ENTPD5: variants seen among roughly 807,000 people sequenced by gnomAD.
The protein encoded by ENTPD5 is nucleoside diphosphate phosphatase ENTPD5.
In ENTPD5, 49 loss-of-function variants were observed where a neutral mutation model predicts 60.2. The ratio of observed to expected loss-of-function variants is 0.81; its 90% CI spans 0.65 to 1.03. ENTPD5 has a LOEUF of 1.03. ENTPD5 is among the 50% of genes least tolerant of loss of function. ENTPD5 has a pLI of 0.00. For synonymous variants in ENTPD5, 187 were observed against 185.4 expected (o/e 1.01, Z -0.07); for missense variants, 480 against 507.6 (o/e 0.95, Z 0.52).
chr14:73,991,689 C>T (rs980593257), intron 3 of ENTPD5, among the ~76,000 whole-genome samples: 5 of 151,284 alleles, frequency 3.3e-5, no homozygotes, highest in Non-Finnish European at 5.9e-5. Context: ...TATCCCCAGC[C>T]TCTATCCACT....
downstream of ENTPD5, chr14:73,958,217 C>A: frequency 6.2e-7 from 1 of 1,614,132 alleles, no homozygotes; most frequent in Non-Finnish European, 8.5e-7. Flanking sequence ...CTATGGCCGA[C>A]TCCAGCCCTT....
intron 13 of ENTPD5, 38 bp from the exon 14 acceptor site, chr14:73,971,946 C>G (rs1310606999): frequency 4.0e-6 from 5 of 1,259,532 alleles, no homozygotes; most frequent in East Asian, 4.6e-5. Context: ...ATCAAAACGC[C>G]TTCAAGGAAG....
intron 3 of ENTPD5, among the ~76,000 whole-genome samples, chr14:74,010,816 C>T (rs1012112831): frequency 9.2e-5 from 14 of 152,226 alleles, no homozygotes; most frequent in Non-Finnish European, 2.1e-4. Context: ...GTCATGTGCC[C>T]AGCTCCTTCA....
intron 3 of ENTPD5, among the ~76,000 whole-genome samples, chr14:73,989,561 C>A (rs878984572): frequency 3.0e-4 from 44 of 147,164 alleles, no homozygotes; most frequent in African/African-American, 1.0e-3. Context: ...AGGCCAGGCG[C>A]GGTGGCTCAT....
In ENTPD5 at chr14:73,975,006, T is replaced by A. The variant is rs190064938; in HGVS notation, c.723-21A>T. 1.8e-3 allele frequency: 2,891 copies of A among 1,585,662 alleles called. 4 individuals carry two copies. The highest frequency in any genetic ancestry group is 2.3e-3 in the Non-Finnish European group (2,643 of 1,155,200). On this transcript the variant is annotated intron_variant, in intron 10 of 15. Transcript: ENST00000334696. The stretch of plus-strand genomic sequence containing the variant: ...GGTAACTGTAAAATACAGGATTGAC[T>A]AATTTCATGCTGGTCCTGAAGTTCT...
rs868811520 is a variant in ENTPD5 at position 73,978,556 on chromosome 14, G to A, written c.442-1182C>T. Among the ~76,000 whole-genome samples the A allele has an allele frequency of 3.3e-5, 5 of 151,856 alleles. No individual in the cohort carries two copies. The East Asian group carries it at 5.8e-4, about 18-fold the overall frequency. On this transcript the variant is annotated intron_variant, in intron 6 of 15. Coordinates refer to ENST00000334696, the MANE Select transcript of ENTPD5 (RefSeq NM_001249.5). ...GTGGAGGTTGCAGTGAGCCGAGATCGCGCCATTGCACTCTAGCCTGGGTAA... is the reference window on the plus strand; with the variant it reads ...GTGGAGGTTGCAGTGAGCCGAGATCACGCCATTGCACTCTAGCCTGGGTAA...
At chr14:73,960,375 C>T (rs1013806599), downstream of ENTPD5, 3 of 987,236 alleles carry the variant, frequency 3.0e-6, no homozygotes, top group African/African-American at 5.2e-5. Flanking sequence ...TAGACACAGC[C>T]TTTGGATAAT....
At chr14:73,990,669 G>T (rs2058093460) in intron 3 of ENTPD5, among the ~76,000 whole-genome samples, 1 of 151,614 alleles carries the variant, frequency 6.6e-6, no homozygotes, top group Non-Finnish European at 1.5e-5. Context: ...AATGTATAGG[G>T]TTTTTTTCCA....
downstream of ENTPD5, chr14:73,958,314 T>C (rs375777482): frequency 1.3e-4 from 214 of 1,612,986 alleles, no homozygotes; most frequent in Non-Finnish European, 1.8e-4. Flanking sequence ...GGGTCTTGTA[T>C]ATCTACATCT....
downstream of ENTPD5, chr14:73,959,330 A>T (rs773923049): frequency 6.2e-7 from 1 of 1,613,934 alleles, no homozygotes; most frequent in Non-Finnish European, 8.5e-7. Context: ...GGCTGTTTGT[A>T]AGTTCCCTTT....
intron 1 of ENTPD5, among the ~76,000 whole-genome samples, chr14:74,017,222 G>A (rs2059041639): frequency 6.6e-6 from 1 of 152,154 alleles, no homozygotes. Flanking sequence ...GGAGGCTGAG[G>A]CAGGAGAATT....
In ENTPD5 at chr14:73,966,813, C is replaced by T; in HGVS notation, c.*115G>A. On this transcript the variant is annotated 3_prime_UTR_variant, in exon 16 of 16. Transcript: ENST00000334696. ...CATTAGATGTGTAAAATTAATTAAA[C>T]CTAAATCTCTAGGCTCAAGTCCAGG... 1 of 785,068 alleles carries T rather than the reference C, an allele frequency of 1.3e-6. No individual in the cohort carries two copies. The highest frequency in any genetic ancestry group is 2.1e-6 in the Non-Finnish European group (1 of 466,240). The allele number at this position is 785,068 out of a possible 1,614,324, so 48.6% of individuals were successfully genotyped here.
chr14:73,959,330 A>G (rs773923049), downstream of ENTPD5: 2 of 1,613,934 alleles, frequency 1.2e-6, no homozygotes, highest in Non-Finnish European at 1.7e-6. Flanking sequence ...GGCTGTTTGT[A>G]AGTTCCCTTT....
chr14:73,981,734 G>A (rs2057698272), intron 6 of ENTPD5, among the ~76,000 whole-genome samples: 1 of 151,778 alleles, frequency 6.6e-6, no homozygotes, highest in Non-Finnish European at 1.5e-5. Context: ...TTGAACCTGG[G>A]AGGTGGAGGT....
rs1224661295 is a variant in ENTPD5, at chr14:73,974,007, G to C, written c.785-29C>G. 1.9e-6 allele frequency: 3 copies of C among 1,596,714 alleles called. No homozygotes were observed. The East Asian group carries it at 6.7e-5, about 36-fold the overall frequency. ...AAAGAATCCAGGGCACAAGGTAAGA[G>C]GTAAGTAAGTGAGAGAGAGGGAGGA... On this transcript the variant is annotated intron_variant, in intron 11 of 15. Transcript: ENST00000334696.
intron 3 of ENTPD5, among the ~76,000 whole-genome samples, chr14:73,998,008 G>T (rs1386901726): frequency 6.6e-6 from 1 of 152,094 alleles, no homozygotes; most frequent in African/African-American, 2.4e-5. Context: ...AAGCCTATTT[G>T]TTCCTATATT....
At chr14:73,961,965 G>T, downstream of ENTPD5, 1 of 1,580,580 alleles carries the variant, frequency 6.3e-7, no homozygotes, top group Non-Finnish European at 8.7e-7. Flanking sequence ...GCTTTTTTTT[G>T]AAACAGAGTC....
At chr14:73,976,449 T>A in intron 8 of ENTPD5, 37 bp from the exon 9 acceptor site, 1 of 1,544,848 alleles carries the variant, frequency 6.5e-7, no homozygotes, top group Non-Finnish European at 9.0e-7. Flanking sequence ...AGCCTCGACA[T>A]CCTGGGCAGC....
In ENTPD5 at chr14:73,973,920, C is replaced by A. The variant is rs141209611; in HGVS notation, c.843G>T (p.Trp281Cys). 3 of 1,614,108 alleles carry A rather than the reference C, an allele frequency of 1.9e-6. No homozygotes were observed. Among genetic ancestry groups the A allele is most frequent in the Non-Finnish European group, 2.5e-6 (3 of 1,179,990 alleles). The part of the protein sequence containing the change: ...ACLPRWLEAE[W>C]IFGGVKYQYG... The stretch of plus-strand genomic sequence containing the variant: ...ACTGGTATTTCACACCCCCAAAGAT[C>A]CACTCTGCTTCCAACCATCTCGGTA... The change falls in exon 12 of 16, where the codon TGG becomes TGT. Residue 281 changes from tryptophan (W) to cysteine (C), a missense_variant. Coordinates refer to ENST00000334696, the MANE Select transcript of ENTPD5 (RefSeq NM_001249.5).
Sources: gnomAD v4.1 joint callset for allele counts (sites outside exome capture counted in the v4.1 genomes callset) on GRCh38, gnomAD v4.1.1 for gene constraint, MANE v1.5 for transcripts, NCBI Gene and HGNC (gene_info 2026-07-23, HGNC 2026-07-21) for gene names.